The following KSR2 variants were observed in gnomAD, a reference collection of about 807,000 sequenced individuals.
The protein encoded by KSR2 is kinase suppressor of ras 2.
Under a neutral mutation model 107.8 loss-of-function variants are expected in KSR2, and 25 were observed. The observed-to-expected ratio is 0.23, with a 90% CI of 0.17 to 0.32. KSR2 has a LOEUF of 0.32. Among genes scored for constraint, KSR2 ranks in the 10% least tolerant of loss-of-function variants. The pLI is 1.00. For synonymous variants in KSR2, 480 were observed against 507.0 expected (o/e 0.95, Z 0.71); for missense variants, 887 against 1,268.9 (o/e 0.70, Z 4.57).
intron 9 of KSR2, among the ~76,000 whole-genome samples, chr12:117,540,940 A>G (rs1192261498): frequency 2.0e-5 from 3 of 152,268 alleles, no homozygotes; most frequent in African/African-American, 7.2e-5. Context: ...GGAGTCAGGA[A>G]AACCTGGACT....
At chr12:117,848,850 A>G (rs375674727) in intron 3 of KSR2, among the ~76,000 whole-genome samples, 1,367 of 87,082 alleles carry the variant, frequency 0.016, 13 homozygotes, top group Middle Eastern at 0.085. Context: ...GGTGATGGTG[A>G]TGATGGTGAT....
intron 5 of KSR2, among the ~76,000 whole-genome samples, chr12:117,590,228 A>T (rs1371328261): frequency 6.6e-6 from 1 of 152,232 alleles, no homozygotes; most frequent in Non-Finnish European, 1.5e-5. Context: ...GTGGAGTTTA[A>T]GTTAGAGACA....
At chr12:117,577,321 A>G (rs1285530288) in intron 7 of KSR2, among the ~76,000 whole-genome samples, 1 of 151,624 alleles carries the variant, frequency 6.6e-6, no homozygotes, top group Non-Finnish European at 1.5e-5. Context: ...ATAGTATTGG[A>G]CCTGAAGGGG....
rs1209464080 is a variant in KSR2, at chr12:117,579,158, C to G, written c.1286G>C (p.Gly429Ala). 1 of 1,613,782 alleles carries G rather than the reference C, an allele frequency of 6.2e-7. No individual in the cohort carries two copies. The highest frequency in any genetic ancestry group is 1.7e-5 in the Admixed American group (1 of 60,018). Residue 429 changes from glycine to alanine, a missense_variant, in exon 7 of 20, where the codon GGG (glycine) becomes GCG (alanine). Around this residue, in one of 8 missense-constraint regions of KSR2, gnomAD observed 12 missense variants for 48.1 expected, o/e 0.25. Transcript: ENST00000339824. The part of the protein sequence containing the change: ...YWMSQTCTVC[G>A]KGMLFGLKCK... ...CTTGAGGCCAAAAAGCATCCCTTTCCCACAGACTGTGCACGTCTGAGACAT... is the reference window on the plus strand; with the variant it reads ...CTTGAGGCCAAAAAGCATCCCTTTCGCACAGACTGTGCACGTCTGAGACAT...
intron 19 of KSR2, among the ~76,000 whole-genome samples, chr12:117,467,520 G>A (rs1024077516): frequency 2.6e-5 from 4 of 152,340 alleles, no homozygotes; most frequent in East Asian, 1.9e-4. Flanking sequence ...CTGAGGCTTC[G>A]GGAGGTTAAG....
intron 4 of KSR2, among the ~76,000 whole-genome samples, chr12:117,689,317 A>G (rs2136565682): frequency 6.6e-6 from 1 of 152,304 alleles, no homozygotes; most frequent in East Asian, 1.9e-4. Flanking sequence ...AGATGTCTTA[A>G]TAAGAGAGTG....
intron 5 of KSR2, among the ~76,000 whole-genome samples, chr12:117,608,808 G>A (rs1162668164): frequency 6.6e-6 from 1 of 151,990 alleles, no homozygotes; most frequent in African/African-American, 2.4e-5. Flanking sequence ...AACAGCATGA[G>A]GCCTCTGCAG....
intron 4 of KSR2, among the ~76,000 whole-genome samples, chr12:117,686,812 G>A (rs1027543212): frequency 6.6e-6 from 1 of 152,178 alleles, no homozygotes; most frequent in Non-Finnish European, 1.5e-5. Context: ...TAAACAGAGA[G>A]TGAATCCTTA....
At chr12:117,707,154 C>T (rs772130335) in intron 4 of KSR2, among the ~76,000 whole-genome samples, 4 of 152,014 alleles carry the variant, frequency 2.6e-5, no homozygotes, top group Admixed American at 6.5e-5. Flanking sequence ...TTGTATGATT[C>T]CATTCATATG....
intron 4 of KSR2, among the ~76,000 whole-genome samples, chr12:117,721,257 T>G (rs1481624176): frequency 6.6e-6 from 1 of 152,100 alleles, no homozygotes; most frequent in Non-Finnish European, 1.5e-5. Flanking sequence ...TGCAACATTA[T>G]GTGCCCATCT....
chr12:117,701,359 C>T (rs139155658), intron 4 of KSR2, among the ~76,000 whole-genome samples: 2,125 of 152,210 alleles, frequency 0.014, 45 homozygotes, highest in African/African-American at 0.047. Context: ...TCGCAAAGTG[C>T]GGGGATTACA....
chr12:117,737,508 T>C (rs11068663), intron 4 of KSR2, among the ~76,000 whole-genome samples: 39,163 of 151,998 alleles, frequency 0.26, 5,345 homozygotes, highest in East Asian at 0.45. Context: ...TGAGGCCAGG[T>C]GCGGTGGCTC....
At chr12:117,754,701 T>C (rs1367003709) in intron 4 of KSR2, among the ~76,000 whole-genome samples, 1 of 151,746 alleles carries the variant, frequency 6.6e-6, no homozygotes, top group Non-Finnish European at 1.5e-5. Context: ...CTTGGGAGGC[T>C]GAGGCAGGAG....
intron 4 of KSR2, among the ~76,000 whole-genome samples, chr12:117,704,860 A>G (rs1390632479): frequency 6.8e-6 from 1 of 147,912 alleles, no homozygotes; most frequent in Middle Eastern, 3.3e-3. Flanking sequence ...CTTCATCTCA[A>G]AAAAAAAAAA....
chr12:117,911,174 T>TCTCTCACA (rs1555256064), intron 1 of KSR2, among the ~76,000 whole-genome samples: 1 of 148,942 alleles, frequency 6.7e-6, no homozygotes, highest in Non-Finnish European at 1.5e-5. Flanking sequence ...TCTCTCTCTC[T>TCTCTCACA]CACACACACA....
In KSR2 at chr12:117,538,449, C is replaced by T. The variant is rs1050531153; in HGVS notation, c.1687+1270G>A. Among the ~76,000 whole-genome samples, 11 of 152,170 alleles carry T rather than the reference C, an allele frequency of 7.2e-5. No individual in the cohort carries two copies. The South Asian group carries it at 8.3e-4, about 11-fold the overall frequency. On this transcript the variant is annotated intron_variant, in intron 10 of 19. Coordinates refer to ENST00000339824, the MANE Select transcript of KSR2 (RefSeq NM_173598.6). ...TGGATGGATGGTTGCATGTGGGTGC[C>T]GCCCAGGTGTGGGGTGGGGCCTCTG...
intron 3 of KSR2, among the ~76,000 whole-genome samples, chr12:117,818,108 TA>T (rs58438814): frequency 0.26 from 38,247 of 144,954 alleles, 5,085 homozygotes; most frequent in East Asian, 0.35. Context: ...TTCAAAAAAA[TA>T]AAAAAAAAAA....
rs1311283419 is a variant in KSR2 at position 117,794,070 on chromosome 12, A to T, written c.473-32546T>A. Among the ~76,000 whole-genome samples the T allele has an allele frequency of 2.4e-4, 25 of 103,290 alleles. 3 individuals are homozygous for T. Among genetic ancestry groups the T allele is most frequent in the African/African-American group, 7.6e-4 (18 of 23,592 alleles). The allele number at this position is 103,290 out of a possible 152,430, so 67.8% of individuals were successfully genotyped here. On this transcript the variant is annotated intron_variant, in intron 3 of 19. Coordinates refer to ENST00000339824, the MANE Select transcript of KSR2 (RefSeq NM_173598.6). ...TGCACACTCGTACCAACATGCACAC[A>T]TACACCAACATGCACACTCACACCA...
intron 10 of KSR2, among the ~76,000 whole-genome samples, chr12:117,536,045 C>T (rs1876029797): frequency 6.6e-6 from 1 of 152,134 alleles, no homozygotes; most frequent in Admixed American, 6.5e-5. Flanking sequence ...ACAAATACCA[C>T]CGAGGCTGCA....
Sources: allele counts gnomAD v4.1 joint callset (sites outside exome capture counted in the v4.1 genomes callset), GRCh38; gene constraint gnomAD v4.1.1; regional missense constraint gnomAD v4.1.1; transcripts MANE v1.5; gene names NCBI Gene and HGNC (gene_info 2026-07-23, HGNC 2026-07-21).